SLC26A5: variants seen among roughly 807,000 people sequenced by gnomAD.
SLC26A5 encodes solute carrier family 26 member 5.
SLC26A5 carries 51 observed loss-of-function variants against 81.0 expected under a neutral mutation model. The observed-to-expected ratio is 0.63, with a 90% CI of 0.50 to 0.80. SLC26A5 has a LOEUF of 0.80. Ranked by LOEUF, SLC26A5 falls within the 30% of genes least tolerant of loss-of-function variation. The probability of loss-of-function intolerance (pLI) is 0.00; values close to 1 mark genes in which losing one functional copy is unlikely to be tolerated. For missense variants in SLC26A5, 771 were observed against 905.8 expected (o/e 0.85, Z 1.91); for synonymous variants, 325 against 332.8 (o/e 0.98, Z 0.25).
At chr7:103,364,402 C>A in intron 19 of SLC26A5, 1 of 1,385,940 alleles carries the variant, frequency 7.2e-7, no homozygotes, top group Non-Finnish European at 9.9e-7. Flanking sequence ...GGGATCCAGA[C>A]CTGAAATTTC....
chr7:103,372,215 T>G (rs957146004), downstream of SLC26A5, among the ~76,000 whole-genome samples: 1 of 152,158 alleles, frequency 6.6e-6, no homozygotes, highest in Non-Finnish European at 1.5e-5. Context: ...AGTTAAAGTT[T>G]TGATTAAAAG....
downstream of SLC26A5, among the ~76,000 whole-genome samples, chr7:103,369,821 T>G (rs1056310668): frequency 2.6e-5 from 4 of 152,224 alleles, no homozygotes; most frequent in African/African-American, 9.6e-5. Context: ...GTTTAAAAAC[T>G]TCTTAGTGTT....
chr7:103,379,215 C>T, intron 16 of SLC26A5, 28 bp downstream of exon 16: 1 of 1,507,380 alleles, frequency 6.6e-7, no homozygotes, highest in South Asian at 1.1e-5. Context: ...ATCCCATCCT[C>T]AGAAATAATC....
intron 8 of SLC26A5, among the ~76,000 whole-genome samples, chr7:103,400,491 C>T (rs1444593186): frequency 6.6e-6 from 1 of 152,086 alleles, no homozygotes; most frequent in African/African-American, 2.4e-5. Context: ...GGACAGATTG[C>T]AAAAATTTTC....
In SLC26A5 at chr7:103,400,134, A is replaced by G. The variant is rs564084387; in HGVS notation, c.889-2120T>C. On this transcript the variant is annotated intron_variant, in intron 8 of 19. Transcript: ENST00000306312. ...TGGTATTTCTAGTTCTAAATCCTTG[A>G]GGAATCACCACACTGTCTTCCACAA... Among the ~76,000 whole-genome samples, 10 of 152,090 alleles carry G rather than the reference A, an allele frequency of 6.6e-5. No individual in the cohort carries two copies. In the South Asian group the frequency reaches 1.9e-3, roughly 28 times the overall value.
intron 11 of SLC26A5, 90 bp downstream of exon 11, chr7:103,391,532 T>G (rs1024893998): frequency 1.6e-5 from 17 of 1,036,084 alleles, no homozygotes; most frequent in Non-Finnish European, 2.4e-5. Flanking sequence ...CAGGCCAGAG[T>G]AGCTTTGTTT....
intron 7 of SLC26A5, among the ~76,000 whole-genome samples, chr7:103,409,645 TA>T (rs1305122043): frequency 1.3e-5 from 2 of 152,226 alleles, no homozygotes; most frequent in African/African-American, 2.4e-5. Context: ...TCTATATAAT[TA>T]AAAGATTCAT....
intron 19 of SLC26A5, among the ~76,000 whole-genome samples, chr7:103,375,463 A>G (rs1563509253): frequency 6.6e-6 from 1 of 152,186 alleles, no homozygotes; most frequent in Non-Finnish European, 1.5e-5. Flanking sequence ...CCCGTCAGTA[A>G]TGTCTGAGAG....
At chr7:103,420,034 A>G (rs574079917) in intron 4 of SLC26A5, among the ~76,000 whole-genome samples, 2 of 152,310 alleles carry the variant, frequency 1.3e-5, no homozygotes, top group African/African-American at 4.8e-5. Context: ...TGAATAAATT[A>G]ATGAATAAGT....
Position 103,358,165 on chromosome 7 carries a change from A to C in SLC26A5, c.2042-5239T>G, listed in dbSNP as rs1173152039. ...GAGTATACAGTTCTTTTCCCTTCAA[A>C]ATTTTGAAGGCGTCGTTCTGTTGTC... On this transcript the variant is annotated intron_variant, in intron 19 of 19. Transcript: ENST00000339444. Among the ~76,000 whole-genome samples, 7 of 152,012 alleles carry C rather than the reference A, an allele frequency of 4.6e-5. No homozygotes were observed. In the East Asian group the frequency reaches 1.4e-3, roughly 29 times the overall value.
At chr7:103,373,629 T>C (rs1228746896), downstream of SLC26A5, among the ~76,000 whole-genome samples, 1 of 152,176 alleles carries the variant, frequency 6.6e-6, no homozygotes, top group Non-Finnish European at 1.5e-5. Flanking sequence ...AGAATGAATA[T>C]CAGTTTGCAC....
chr7:103,365,342 T>G (rs2116257542), intron 19 of SLC26A5, among the ~76,000 whole-genome samples: 1 of 152,108 alleles, frequency 6.6e-6, no homozygotes. Flanking sequence ...TTAAAAAAAG[T>G]TTAGATAGGC....
At chr7:103,401,735 C>T (rs948528101) in intron 8 of SLC26A5, among the ~76,000 whole-genome samples, 6 of 152,126 alleles carry the variant, frequency 3.9e-5, no homozygotes, top group Admixed American at 1.3e-4. Context: ...TATGTTCCAT[C>T]AATACCTCAT....
intron 6 of SLC26A5, 47 bp from the exon 7 acceptor site, chr7:103,410,596 C>A (rs1824409926): frequency 6.5e-7 from 1 of 1,529,494 alleles, no homozygotes; most frequent in Non-Finnish European, 8.9e-7. Context: ...CATGATAGGT[C>A]AGGAAGTTAT....
intron 19 of SLC26A5, among the ~76,000 whole-genome samples, chr7:103,356,967 A>G (rs1820069746): frequency 6.6e-6 from 1 of 152,036 alleles, no homozygotes; most frequent in South Asian, 2.1e-4. Flanking sequence ...CTACTTCACA[A>G]TTTCCATCTT....
intron 19 of SLC26A5, among the ~76,000 whole-genome samples, chr7:103,363,835 G>T (rs1231572629): frequency 1.3e-5 from 2 of 152,048 alleles, no homozygotes; most frequent in African/African-American, 4.8e-5. Context: ...AGATAATTTT[G>T]TTCCTTAAAC....
chr7:103,374,794 C>T (rs1248342190), intron 19 of SLC26A5, among the ~76,000 whole-genome samples: 4 of 150,126 alleles, frequency 2.7e-5, no homozygotes, highest in Admixed American at 6.7e-5. Flanking sequence ...CCAACTCCTG[C>T]GTTCAAGCAC....
chr7:103,414,365 C>T (rs1824748231), intron 4 of SLC26A5, among the ~76,000 whole-genome samples: 2 of 151,718 alleles, frequency 1.3e-5, no homozygotes, highest in South Asian at 4.2e-4. Flanking sequence ...TTTGTAGAGA[C>T]AGAGTTTCCC....
chr7:103,385,706 T>TC (rs937548765), intron 14 of SLC26A5, among the ~76,000 whole-genome samples: 3 of 147,952 alleles, frequency 2.0e-5, no homozygotes, highest in African/African-American at 7.6e-5. Context: ...TCTTTTCTTT[T>TC]TTTTTTTTTT....
Sources: gnomAD v4.1 joint callset for allele counts (sites outside exome capture counted in the v4.1 genomes callset) on GRCh38, gnomAD v4.1.1 for gene constraint, MANE v1.5 for transcripts, NCBI Gene and HGNC (gene_info 2026-07-23, HGNC 2026-07-21) for gene names.